RUFY4: variants seen among roughly 807,000 people sequenced by gnomAD.
RUFY4 encodes the protein RUN and FYVE domain-containing protein 4.
Under a neutral mutation model 69.0 loss-of-function variants are expected in RUFY4, and 73 were observed. The ratio of observed to expected loss-of-function variants is 1.06; its 90% CI spans 0.88 to 1.29. The LOEUF (loss-of-function observed/expected upper bound fraction) is 1.29, where lower values mean the gene tolerates loss of function less well. Ranked by LOEUF, RUFY4 falls within the 50% of genes most tolerant of loss-of-function variation. The probability of loss-of-function intolerance (pLI) is 0.00; values close to 1 mark genes in which losing one functional copy is unlikely to be tolerated. For missense variants in RUFY4, 770 were observed against 705.6 expected (o/e 1.09, Z -1.03); for synonymous variants, 287 against 271.8 (o/e 1.06, Z -0.55).
At position 218,072,872 on chromosome 2, in the gene RUFY4, TC is replaced by T. The variant is rs1392042328; in HGVS notation, c.374del (p.Ser125Ter). ...GGCCCTGCAGCTTTGCCTCCTGAAC[TC>T]AGAGCTCACCAGGTGGGGCTGTTGG... On this transcript the variant is annotated frameshift_variant, in exon 4 of 11. Coordinates refer to ENST00000344321, the Ensembl canonical transcript of RUFY4. LOFTEE classifies it high-confidence loss of function. 4 of 1,532,536 alleles carry T rather than the reference TC, an allele frequency of 2.6e-6. No individual in the cohort carries two copies. Among genetic ancestry groups the T allele is most frequent in the Non-Finnish European group, 3.5e-6 (4 of 1,144,826 alleles). The allele number at this position is 1,532,536 out of a possible 1,614,324, so 94.9% of individuals were successfully genotyped here. A position where few individuals can be genotyped will look rare whatever the true frequency, so the allele number is the denominator to read the frequency against.
chr2:218,086,782 A>G (rs1689903272), intron 9 of RUFY4, among the ~76,000 whole-genome samples: 1 of 152,164 alleles, frequency 6.6e-6, no homozygotes, highest in Non-Finnish European at 1.5e-5. Context: ...AATTCCCAAG[A>G]TGACAAGTGG....
At chr2:218,065,543 G>A (rs1689302932), upstream of RUFY4, 1 of 152,412 alleles carries the variant, frequency 6.6e-6, no homozygotes, top group African/African-American at 2.4e-5. Flanking sequence ...TGAGGTGGGT[G>A]TCTGGGACAA....
At chr2:218,078,043 C>T (rs183973982) in intron 8 of RUFY4, among the ~76,000 whole-genome samples, 31 of 152,338 alleles carry the variant, frequency 2.0e-4, no homozygotes, top group Middle Eastern at 3.4e-3. Flanking sequence ...CACAAACACC[C>T]TGTGCACCCA....
rs1468404136 is a variant in RUFY4 at position 218,073,108 on chromosome 2, C to A, written c.387-135C>A. 4 of 1,225,810 alleles carry A rather than the reference C, an allele frequency of 3.3e-6. No individual in the cohort carries two copies. In the Admixed American group the frequency reaches 9.6e-5, roughly 29 times the overall value. The allele number at this position is 1,225,810 out of a possible 1,614,324, so 75.9% of individuals were successfully genotyped here. A position where few individuals can be genotyped will look rare whatever the true frequency, so the allele number is the denominator to read the frequency against. On this transcript the variant is annotated intron_variant, in intron 4 of 10. Coordinates refer to ENST00000344321, the Ensembl canonical transcript of RUFY4. ...CTCCTGCTCCTGAAGGGCCACAACT[C>A]TGCCTGGGGAACAGCCTCATGACGG...
Position 218,073,893 on chromosome 2 carries a change from T to C in RUFY4, c.600+8T>C, listed in dbSNP as rs1356339196. Reference sequence around the variant, plus strand: ...AAAGATGCCCCAAAGAAGGTGCCTCTGCCCTGCCTTCACTCTGAGTTGCCT... The same window carrying C: ...AAAGATGCCCCAAAGAAGGTGCCTCCGCCCTGCCTTCACTCTGAGTTGCCT... On this transcript the variant is annotated splice_region_variant and intron_variant, in intron 6 of 10. Transcript: ENST00000344321. The C allele has an allele frequency of 6.2e-7, 1 of 1,613,696 alleles. No homozygotes were observed. The highest frequency in any genetic ancestry group is 1.7e-5 in the Admixed American group (1 of 59,998).
At chr2:218,042,609 T>C (rs1312248537) in intron 2 of RUFY4, among the ~76,000 whole-genome samples, 3 of 152,194 alleles carry the variant, frequency 2.0e-5, no homozygotes, top group African/African-American at 7.2e-5. Flanking sequence ...CTGGTTATGT[T>C]GTTGGGTGTT....
intron 2 of RUFY4, among the ~76,000 whole-genome samples, chr2:218,048,534 T>TC (rs1201209288): frequency 6.6e-6 from 1 of 152,194 alleles, no homozygotes; most frequent in Non-Finnish European, 1.5e-5. Context: ...GAATGGTATT[T>TC]CCTAGGTTGT....
chr2:218,089,210 T>G (rs1689968047), intron 9 of RUFY4, 42 bp from the exon 12 acceptor site: 1 of 1,491,870 alleles, frequency 6.7e-7, no homozygotes, highest in African/African-American at 1.4e-5. Flanking sequence ...TCTTTTGATC[T>G]CTGTCTCTGT....
chr2:218,055,172 A>G (rs953609484), intron 2 of RUFY4, among the ~76,000 whole-genome samples: 11 of 152,208 alleles, frequency 7.2e-5, no homozygotes, highest in Non-Finnish European at 1.2e-4. Flanking sequence ...AGGCAGGCAG[A>G]TCACCTGAAC....
At chr2:218,074,470 A>G (rs1029186378) in intron 6 of RUFY4, among the ~76,000 whole-genome samples, 1 of 152,060 alleles carries the variant, frequency 6.6e-6, no homozygotes, top group African/African-American at 2.4e-5. Context: ...TCCCCCAAGC[A>G]CATTTTGCAC....
rs527532804 is a variant in RUFY4, at chr2:218,052,312, A to T, written c.-1157-6283A>T. Among the ~76,000 whole-genome samples, 16 of 152,298 alleles carry T rather than the reference A, an allele frequency of 1.1e-4. No homozygotes were observed. In the South Asian group the frequency reaches 3.3e-3, roughly 32 times the overall value. ...TCGACTCTGTACTCAGCTCTTCCTG[A>T]TGTGTCTAAATTGTTCTATGTAACC... is the stretch of plus-strand genomic sequence containing the variant. On this transcript the variant is annotated intron_variant and NMD_transcript_variant, in intron 2 of 13. Transcript: ENST00000457754.
chr2:218,059,573 TCGTC>T (rs1296774566), intron 3 of RUFY4: 1 of 167,040 alleles, frequency 6.0e-6, no homozygotes, highest in Non-Finnish European at 1.5e-5. Flanking sequence ...TTTTCAAGGT[TCGTC>T]CGTGTTGTAA....
upstream of RUFY4, among the ~76,000 whole-genome samples, chr2:218,066,906 T>G (rs1346690286): frequency 6.6e-6 from 1 of 152,262 alleles, no homozygotes; most frequent in Non-Finnish European, 1.5e-5. Flanking sequence ...TCTTGATTAC[T>G]GTTGCTTTAA....
At chr2:218,047,410 T>TG (rs1469053193) in intron 2 of RUFY4, among the ~76,000 whole-genome samples, 2 of 152,178 alleles carry the variant, frequency 1.3e-5, no homozygotes, top group African/African-American at 4.8e-5. Context: ...TCATTTTTTT[T>TG]TGTCTTAGTC....
At chr2:218,049,914 G>A (rs1356500774) in intron 2 of RUFY4, among the ~76,000 whole-genome samples, 1 of 152,176 alleles carries the variant, frequency 6.6e-6, no homozygotes, top group African/African-American at 2.4e-5. Context: ...ACAGGAGACA[G>A]ACAAATTCCT....
chr2:218,077,125 C>T (rs1689652608), intron 8 of RUFY4, among the ~76,000 whole-genome samples: 1 of 152,174 alleles, frequency 6.6e-6, no homozygotes, highest in Non-Finnish European at 1.5e-5. Context: ...ATTCACCCAC[C>T]ATTGGCTAGT....
intron 2 of RUFY4, among the ~76,000 whole-genome samples, chr2:218,047,512 T>C (rs139591432): frequency 2.4e-3 from 370 of 152,334 alleles, no homozygotes; most frequent in Middle Eastern, 0.017. Flanking sequence ...GTACATTTTA[T>C]ACTTTTCCTT....
chr2:218,074,042 G>A lies in RUFY4; in HGVS notation c.600+157G>A, dbSNP rs974455881. On this transcript the variant is annotated intron_variant, in intron 6 of 10. Transcript: ENST00000344321. Reference sequence around the variant, plus strand: ...GGCCAGTGTGTGGAGCAGGGGACTGGGGAGCTGCAGAGGAGGAGAGGGCTC... The same window carrying A: ...GGCCAGTGTGTGGAGCAGGGGACTGAGGAGCTGCAGAGGAGGAGAGGGCTC... 1.7e-5 allele frequency: 13 copies of A among 745,268 alleles called. No individual in the cohort carries two copies. In the African/African-American group the frequency reaches 1.9e-4, roughly 11 times the overall value. 46.2% of individuals were successfully genotyped at this position (745,268 alleles called of 1,614,324 possible). A position where few individuals can be genotyped will look rare whatever the true frequency, so the allele number is the denominator to read the frequency against.
intron 9 of RUFY4, among the ~76,000 whole-genome samples, chr2:218,087,564 C>G (rs1052324873): frequency 5.3e-5 from 8 of 152,300 alleles, no homozygotes; most frequent in Admixed American, 1.3e-4. Context: ...CATGGTGGCT[C>G]ATGCCTGTCA....
Sources: gnomAD v4.1 joint callset for allele counts (sites outside exome capture counted in the v4.1 genomes callset) on GRCh38, gnomAD v4.1.1 for gene constraint, MANE v1.5 for transcripts, NCBI Gene and HGNC (gene_info 2026-07-23, HGNC 2026-07-21) for gene names.